EXOC2: variants seen among roughly 807,000 people sequenced by gnomAD.
The protein encoded by EXOC2 is exocyst complex component 2, also known as SEC5-like 1.
EXOC2 carries 70 observed loss-of-function variants against 131.8 expected under a neutral mutation model. The observed-to-expected ratio is 0.53, with a 90% CI of 0.44 to 0.65. The LOEUF is 0.65. EXOC2 is among the 30% of genes least tolerant of loss of function. The probability of loss-of-function intolerance (pLI) is 0.00; values close to 1 mark genes in which losing one functional copy is unlikely to be tolerated. For missense variants in EXOC2, 923 were observed against 1,108.6 expected, an observed-to-expected ratio of 0.83 and a Z score of 2.38; for synonymous variants, 411 against 398.4, an observed-to-expected ratio of 1.03 and a Z score of -0.38.
intron 20 of EXOC2, among the ~76,000 whole-genome samples, chr6:554,275 C>T (rs1181700060): frequency 2.0e-5 from 3 of 152,080 alleles, no homozygotes; most frequent in African/African-American, 4.8e-5. Context: ...CTCCTGACCT[C>T]GTGATCCGCC....
In EXOC2 at chr6:656,463, C is replaced by A. The variant is rs776185878; in HGVS notation, c.-43-18602G>T. The A allele has an allele frequency of 6.8e-6, 11 of 1,612,370 alleles. No homozygotes were observed. In the East Asian group the frequency reaches 2.2e-4, roughly 33 times the overall value. On this transcript the variant is annotated intron_variant, in intron 1 of 27. Coordinates refer to ENST00000230449, the MANE Select transcript of EXOC2 (RefSeq NM_018303.6). ...CACGATGCTCCTCAGCGTCCTCCAG[C>A]GCGGCAGGCGGATGCTCGCGTCGGA...
chr6:570,733 A>G (rs1416417419), intron 13 of EXOC2, among the ~76,000 whole-genome samples: 1 of 152,206 alleles, frequency 6.6e-6, no homozygotes, highest in Non-Finnish European at 1.5e-5. Context: ...TAATTTGCCT[A>G]AGGTCACGGC....
intron 1 of EXOC2, among the ~76,000 whole-genome samples, chr6:642,004 T>C (rs9392719): frequency 0.71 from 107,665 of 151,976 alleles, 38,785 homozygotes; most frequent in Middle Eastern, 0.88. Context: ...TCAAAGCCTG[T>C]CACAGCTAGA....
chr6:682,998 G>C (rs1764483016), intron 1 of EXOC2, among the ~76,000 whole-genome samples: 1 of 152,184 alleles, frequency 6.6e-6, no homozygotes, highest in Non-Finnish European at 1.5e-5. Flanking sequence ...TTGAGGCAAA[G>C]GTACACCAGG....
At chr6:554,013 T>C in intron 20 of EXOC2, 93 bp from the exon 21 acceptor site, 1 of 971,282 alleles carries the variant, frequency 1.0e-6, no homozygotes, top group East Asian at 2.4e-5. Flanking sequence ...TGCAATGAAT[T>C]ATATGGAAAA....
chr6:591,721 G>A (rs1759552293), intron 11 of EXOC2, among the ~76,000 whole-genome samples: 1 of 152,142 alleles, frequency 6.6e-6, no homozygotes, highest in Non-Finnish European at 1.5e-5. Context: ...TGACTACTGT[G>A]ACTTTGGCAC....
rs111549171 is a variant in EXOC2, at chr6:566,051, G to A, written c.1444-1122C>T. On this transcript the variant is annotated intron_variant, in intron 13 of 27. Transcript: ENST00000230449. ...ATTTTTAAATTTTATATTAAACTAC[G>A]CAGCTTTTATCATTTTTTTCTTTGT... 6.9e-3 allele frequency among the ~76,000 whole-genome samples: 1,050 copies of A among 152,116 alleles called. 13 individuals carry two copies. The highest frequency in any genetic ancestry group is 0.024 in the African/African-American group (1,001 of 41,490).
At chr6:537,493 C>T (rs559317461) in intron 22 of EXOC2, among the ~76,000 whole-genome samples, 183 of 152,072 alleles carry the variant, frequency 1.2e-3, no homozygotes, top group Non-Finnish European at 1.9e-3. Context: ...AGATGATGAC[C>T]GACGGAGCGT....
chr6:512,548 T>C (rs1336188296), intron 23 of EXOC2, among the ~76,000 whole-genome samples: 3 of 152,226 alleles, frequency 2.0e-5, no homozygotes, highest in Non-Finnish European at 4.4e-5. Context: ...AGCAGGCTAT[T>C]CCTAGTTAAA....
chr6:543,818 ACTGG>A (rs762819471), intron 22 of EXOC2, among the ~76,000 whole-genome samples: 1 of 152,188 alleles, frequency 6.6e-6, no homozygotes, highest in African/African-American at 2.4e-5. Flanking sequence ...GAGGAAGATG[ACTGG>A]TTAGGCCAGG....
chr6:670,684 T>C (rs1002572420), intron 1 of EXOC2, among the ~76,000 whole-genome samples: 7 of 152,204 alleles, frequency 4.6e-5, no homozygotes, highest in African/African-American at 1.7e-4. Context: ...TCAATTCCTT[T>C]CTCTTTAATC....
chr6:589,438 G>A lies in EXOC2; in HGVS notation c.1192+3031C>T, dbSNP rs59134522. On this transcript the variant is annotated intron_variant, in intron 11 of 27. Coordinates refer to ENST00000230449, the MANE Select transcript of EXOC2 (RefSeq NM_018303.6). ...ATGCCGATCCGGAGAACTGACTGTCGTTGTTTAGGTTCAACTGAGATTTCA... is the reference window on the plus strand; with the variant it reads ...ATGCCGATCCGGAGAACTGACTGTCATTGTTTAGGTTCAACTGAGATTTCA... 3.9e-3 allele frequency among the ~76,000 whole-genome samples: 591 copies of A among 152,086 alleles called. 3 individuals carry two copies. Among genetic ancestry groups the A allele is most frequent in the African/African-American group, 0.014 (567 of 41,354 alleles).
intron 10 of EXOC2, among the ~76,000 whole-genome samples, chr6:595,828 C>T (rs899142192): frequency 6.6e-6 from 1 of 152,076 alleles, no homozygotes; most frequent in African/African-American, 2.4e-5. Flanking sequence ...CTCAACCTCC[C>T]TGCAACTCTG....
chr6:564,715 GA>G lies in EXOC2; in HGVS notation c.1510-14del. 1 of 1,586,586 alleles carries G rather than the reference GA, an allele frequency of 6.3e-7. No homozygotes were observed. Among genetic ancestry groups the G allele is most frequent in the Non-Finnish European group, 8.6e-7 (1 of 1,165,166 alleles). On this transcript the variant is annotated splice_polypyrimidine_tract_variant and intron_variant, in intron 14 of 27. Transcript: ENST00000230449. ...CCTGAATCATTTTCTAGAAAACCAGGAACAAGCATAACCGTGTTCAAATGTG... is the reference window on the plus strand; with the variant it reads ...CCTGAATCATTTTCTAGAAAACCAGGACAAGCATAACCGTGTTCAAATGTG...
chr6:503,010 G>A (rs1412788741), intron 23 of EXOC2, among the ~76,000 whole-genome samples: 1 of 152,226 alleles, frequency 6.6e-6, no homozygotes, highest in Non-Finnish European at 1.5e-5. Flanking sequence ...AAGGGCCGGA[G>A]TGAGGCGGAG....
At chr6:635,315 G>A (rs1762048323) in intron 2 of EXOC2, among the ~76,000 whole-genome samples, 1 of 152,188 alleles carries the variant, frequency 6.6e-6, no homozygotes, top group African/African-American at 2.4e-5. Context: ...TATGCATGGA[G>A]GTCCCCGTTG....
At chr6:533,704 GA>G (rs1766245731) in intron 22 of EXOC2, among the ~76,000 whole-genome samples, 1 of 152,278 alleles carries the variant, frequency 6.6e-6, no homozygotes, top group East Asian at 1.9e-4. Flanking sequence ...AGAAGAAGAA[GA>G]GGGGGGAGGC....
intron 10 of EXOC2, among the ~76,000 whole-genome samples, chr6:596,452 C>T (rs1366917198): frequency 3.3e-5 from 5 of 150,422 alleles, no homozygotes; most frequent in East Asian, 1.9e-4. Context: ...AGTGCAGTCT[C>T]GAACTCCTGG....
At chr6:488,641 C>A (rs1454567240) in intron 27 of EXOC2, among the ~76,000 whole-genome samples, 2 of 151,838 alleles carry the variant, frequency 1.3e-5, no homozygotes, top group African/African-American at 4.8e-5. Flanking sequence ...TTTTCCATTA[C>A]TTCTTATGTA....
Sources: gnomAD v4.1 joint callset for allele counts (sites outside exome capture counted in the v4.1 genomes callset) on GRCh38, gnomAD v4.1.1 for gene constraint, MANE v1.5 for transcripts, NCBI Gene and HGNC (gene_info 2026-07-23, HGNC 2026-07-21) for gene names.